EYA2: variants seen among roughly 807,000 people sequenced by gnomAD.
EYA2 encodes EYA transcriptional coactivator and phosphatase 2.
EYA2 carries 31 observed loss-of-function variants against 69.2 expected under a neutral mutation model. The ratio of observed to expected loss-of-function variants is 0.45; its 90% CI spans 0.34 to 0.60. The LOEUF is 0.60. Among genes scored for constraint, EYA2 ranks in the 20% least tolerant of loss-of-function variants. The probability of loss-of-function intolerance (pLI) is 0.02; values close to 1 mark genes in which losing one functional copy is unlikely to be tolerated. For synonymous variants in EYA2, 257 were observed against 279.4 expected (o/e 0.92, Z 0.80); for missense variants, 622 against 701.2 (o/e 0.89, Z 1.28).
At chr20:46,901,658 T>C (rs1600527113) in intron 1 of EYA2, 2 of 152,364 alleles carry the variant, frequency 1.3e-5, no homozygotes, top group Admixed American at 1.3e-4. Context: ...CATTGATCTC[T>C]CCAGCAAAGT....
At chr20:46,900,555 C>T (rs1984052275) in intron 1 of EYA2, among the ~76,000 whole-genome samples, 1 of 152,220 alleles carries the variant, frequency 6.6e-6, no homozygotes, top group Non-Finnish European at 1.5e-5. Context: ...AACATATACA[C>T]TTCTGTTTAA....
intron 10 of EYA2, among the ~76,000 whole-genome samples, chr20:47,150,089 G>A (rs950565951): frequency 1.3e-5 from 2 of 152,178 alleles, no homozygotes; most frequent in African/African-American, 4.8e-5. Flanking sequence ...AAAGAGTTTG[G>A]CCCCAGGAGG....
intron 5 of EYA2, among the ~76,000 whole-genome samples, chr20:47,036,117 T>C (rs1457337407): frequency 1.3e-5 from 2 of 152,206 alleles, no homozygotes; most frequent in South Asian, 2.1e-4. Flanking sequence ...CTTCAGTGTT[T>C]GCAGCAAGTT....
intron 2 of EYA2, chr20:46,997,850 A>G (rs755402841): frequency 6.6e-6 from 1 of 152,354 alleles, no homozygotes; most frequent in Admixed American, 6.5e-5. Flanking sequence ...TGCTGCCTTC[A>G]TCACCCTAGA....
chr20:46,936,900 C>T (rs928589573), intron 1 of EYA2, among the ~76,000 whole-genome samples: 3 of 152,146 alleles, frequency 2.0e-5, no homozygotes, highest in Non-Finnish European at 4.4e-5. Flanking sequence ...AAGAGCAGAG[C>T]CCTTGTGTTC....
chr20:46,969,911 A>AG (rs1422731349), intron 1 of EYA2, among the ~76,000 whole-genome samples: 1 of 152,198 alleles, frequency 6.6e-6, no homozygotes, highest in African/African-American at 2.4e-5. Flanking sequence ...AAGGGGGTGA[A>AG]GGGGCATGCA....
intron 8 of EYA2, 143 bp from the exon 9 acceptor site, chr20:47,096,942 C>T: frequency 6.1e-6 from 4 of 654,324 alleles, no homozygotes; most frequent in Non-Finnish European, 5.3e-6. Context: ...GGATTCATGA[C>T]ACATCAGTGA....
intron 15 of EYA2, among the ~76,000 whole-genome samples, chr20:47,187,365 G>GA (rs996168214): frequency 2.8e-4 from 41 of 144,680 alleles, no homozygotes; most frequent in East Asian, 1.4e-3. Flanking sequence ...AAGAAAGAAA[G>GA]AAAAAAAAAA....
Position 47,176,506 on chromosome 20 carries a change from C to T in EYA2, c.1199-3292C>T, listed in dbSNP as rs2034430081. On this transcript the variant is annotated intron_variant, in intron 12 of 15. Coordinates refer to ENST00000327619, the MANE Select transcript of EYA2 (RefSeq NM_005244.5). ...AATAGTAGACCCAGAGTCCATCTCT[C>T]AGGAAGGGCTATTTGAACTCAGTAT... is the stretch of plus-strand genomic sequence containing the variant. Among the ~76,000 whole-genome samples the T allele has an allele frequency of 3.9e-5, 6 of 152,152 alleles. No homozygotes were observed. The South Asian group carries it at 1.2e-3, about 32-fold the overall frequency.
At chr20:47,183,416 C>G (rs533350061) in intron 15 of EYA2, 25 bp downstream of exon 15, 28 of 1,606,070 alleles carry the variant, frequency 1.7e-5, no homozygotes, top group Non-Finnish European at 2.4e-5. Context: ...TCTCAGACTG[C>G]GTTTTCCTGC....
intron 9 of EYA2, among the ~76,000 whole-genome samples, chr20:47,109,474 A>G (rs914229283): frequency 1.7e-4 from 26 of 151,390 alleles, no homozygotes; most frequent in Admixed American, 6.6e-5. Context: ...TTTTGTGTGC[A>G]TTTATTTCTT....
chr20:46,951,901 G>A (rs1978826175), intron 1 of EYA2, among the ~76,000 whole-genome samples: 1 of 152,180 alleles, frequency 6.6e-6, no homozygotes, highest in African/African-American at 2.4e-5. Flanking sequence ...GAAGAATTCT[G>A]CCACCTCCTG....
chr20:46,995,470 A>C (rs1253830967), intron 2 of EYA2, among the ~76,000 whole-genome samples: 2 of 152,152 alleles, frequency 1.3e-5, no homozygotes, highest in African/African-American at 4.8e-5. Context: ...AGAGCCTCTC[A>C]GTGACAGTCA....
intron 1 of EYA2, among the ~76,000 whole-genome samples, chr20:46,911,752 G>T (rs1429663548): frequency 6.6e-6 from 1 of 152,124 alleles, no homozygotes; most frequent in Admixed American, 6.5e-5. Flanking sequence ...ACTCGATCTC[G>T]TGGAGGTAAA....
chr20:46,965,016 G>A (rs1979689956), intron 1 of EYA2, among the ~76,000 whole-genome samples: 1 of 152,198 alleles, frequency 6.6e-6, no homozygotes, highest in Non-Finnish European at 1.5e-5. Context: ...CGCCCAACTT[G>A]TAGAGTTGGA....
intron 5 of EYA2, among the ~76,000 whole-genome samples, chr20:47,045,208 C>G (rs969533512): frequency 3.9e-5 from 6 of 152,168 alleles, no homozygotes; most frequent in African/African-American, 1.4e-4. Context: ...GCTGAGATGC[C>G]CAAGAAAGCT....
In EYA2 at chr20:47,089,233, C is replaced by T. The variant is rs760311368; in HGVS notation, c.662-6C>T. 71 of 1,613,068 alleles carry T rather than the reference C, an allele frequency of 4.4e-5. No homozygotes were observed. Among genetic ancestry groups the T allele is most frequent in the Admixed American group, 3.3e-5 (2 of 59,784 alleles). ...GATTTGTCCACCATTCCCTTTCTTACGCCAGGTGAATACAACACACACAAT... is the reference window on the plus strand; with the variant it reads ...GATTTGTCCACCATTCCCTTTCTTATGCCAGGTGAATACAACACACACAAT... On this transcript the variant is annotated splice_polypyrimidine_tract_variant and splice_region_variant and intron_variant, in intron 7 of 15. Transcript: ENST00000327619.
At chr20:47,160,269 T>G (rs2034037791) in intron 10 of EYA2, among the ~76,000 whole-genome samples, 1 of 152,084 alleles carries the variant, frequency 6.6e-6, no homozygotes, top group South Asian at 2.1e-4. Context: ...AGATAGTAAA[T>G]ATTTTTGGCT....
intron 7 of EYA2, among the ~76,000 whole-genome samples, chr20:47,087,973 T>C (rs1395880284): frequency 6.6e-6 from 1 of 152,232 alleles, no homozygotes; most frequent in Non-Finnish European, 1.5e-5. Flanking sequence ...ACGCCTGTAA[T>C]CCCAGCACTT....
Sources: gnomAD v4.1 joint callset for allele counts (sites outside exome capture counted in the v4.1 genomes callset) on GRCh38, gnomAD v4.1.1 for gene constraint, MANE v1.5 for transcripts, NCBI Gene and HGNC (gene_info 2026-07-23, HGNC 2026-07-21) for gene names.